TYW1B: variants seen among roughly 807,000 people sequenced by gnomAD.
The protein encoded by TYW1B is tRNA-yW synthesizing protein 1 homolog B.
A neutral mutation model predicts 86.9 loss-of-function variants in TYW1B; 73 were observed. The ratio of observed to expected loss-of-function variants is 0.84; its 90% confidence interval spans 0.70 to 1.02. TYW1B has a LOEUF of 1.02. Ranked by LOEUF, TYW1B falls within the 50% of genes least tolerant of loss-of-function variation. The probability of loss-of-function intolerance (pLI) is 0.00; values close to 1 mark genes in which losing one functional copy is unlikely to be tolerated. For missense variants in TYW1B, 637 were observed against 827.4 expected (o/e 0.77, Z 2.82); for synonymous variants, 248 against 292.8 (o/e 0.85, Z 1.56).
At chr7:72,584,237 G>A (rs1284447486) in intron 13 of TYW1B, among the ~76,000 whole-genome samples, 2 of 152,156 alleles carry the variant, frequency 1.3e-5, no homozygotes. Context: ...TAGAGAGACA[G>A]TCTTGCTATG....
chr7:72,614,506 G>A (rs1486327338), intron 13 of TYW1B, among the ~76,000 whole-genome samples: 4 of 152,050 alleles, frequency 2.6e-5, no homozygotes, highest in Admixed American at 2.0e-4. Context: ...GGTGGCTCAC[G>A]CCTGTAGTCC....
intron 11 of TYW1B, among the ~76,000 whole-genome samples, chr7:72,653,610 A>AAATAATAAT (rs61287709): frequency 0.97 from 146,198 of 150,616 alleles, 71,061 homozygotes; most frequent in Non-Finnish European, 1. Context: ...CCGTCTCAAA[A>AAATAATAAT]AATAATAATA....
At chr7:72,703,026 A>ATATATATATATT (rs1563064838) in intron 10 of TYW1B, among the ~76,000 whole-genome samples, 1 of 35,206 alleles carries the variant, frequency 2.8e-5, no homozygotes, top group South Asian at 1.1e-3. Context: ...ATATATATAT[A>ATATATATATATT]TTTTTTTTTT....
chr7:72,738,083 T>C (rs1787230782), intron 8 of TYW1B, among the ~76,000 whole-genome samples: 1 of 74,164 alleles, frequency 1.3e-5, no homozygotes, highest in Non-Finnish European at 2.9e-5. Flanking sequence ...CATATTTCTT[T>C]CTTTCTTTTT....
intron 6 of TYW1B, among the ~76,000 whole-genome samples, chr7:72,790,041 G>C (rs1269260879): frequency 1.4e-5 from 2 of 147,816 alleles, no homozygotes; most frequent in African/African-American, 5.0e-5. Flanking sequence ...TCCACCTTCT[G>C]GGTTCAAGGG....
chr7:72,598,844 G>A (rs1235648093), intron 13 of TYW1B, among the ~76,000 whole-genome samples: 8 of 152,174 alleles, frequency 5.3e-5, no homozygotes, highest in Admixed American at 5.2e-4. Context: ...CAGAGAGGAA[G>A]GAGGAAGGGA....
intron 11 of TYW1B, among the ~76,000 whole-genome samples, chr7:72,632,312 T>TATATATATATACGTGTATA (rs1491239231): frequency 2.3e-5 from 2 of 87,030 alleles, no homozygotes; most frequent in African/African-American, 6.3e-5. Context: ...TGTATATATA[T>TATATATATATACGTGTATA]TATATATATT....
chr7:72,807,043 A>G, intron 5 of TYW1B, 23 bp downstream of exon 5: 2 of 1,604,966 alleles, frequency 1.2e-6, no homozygotes, highest in African/African-American at 1.3e-5. Flanking sequence ...AAGCATCAAG[A>G]GATGAACACA....
At chr7:72,736,515 T>C (rs1434780572) in intron 8 of TYW1B, among the ~76,000 whole-genome samples, 1 of 152,200 alleles carries the variant, frequency 6.6e-6, no homozygotes, top group Admixed American at 6.6e-5. Flanking sequence ...GGAAAATCTC[T>C]TTGAAGAGGA....
intron 12 of TYW1B, among the ~76,000 whole-genome samples, chr7:72,625,024 G>A (rs547081481): frequency 1.2e-4 from 18 of 150,312 alleles, no homozygotes; most frequent in East Asian, 3.9e-4. Flanking sequence ...GTGCCAGTGC[G>A]CTCCAGCCTG....
At chr7:72,651,362 A>C (rs570375988) in intron 11 of TYW1B, among the ~76,000 whole-genome samples, 2 of 152,360 alleles carry the variant, frequency 1.3e-5, no homozygotes, top group East Asian at 3.9e-4. Flanking sequence ...TCACGCCTGT[A>C]ATCCCAGCAC....
At chr7:72,608,295 T>C (rs1278323797) in intron 13 of TYW1B, among the ~76,000 whole-genome samples, 17 of 152,352 alleles carry the variant, frequency 1.1e-4, no homozygotes, top group African/African-American at 3.8e-4. Flanking sequence ...TCTTCTTCTC[T>C]TGAGTTTTCT....
At chr7:72,763,900 T>C (rs1258871228) in intron 7 of TYW1B, among the ~76,000 whole-genome samples, 1 of 152,250 alleles carries the variant, frequency 6.6e-6, no homozygotes, top group Non-Finnish European at 1.5e-5. Context: ...TGGTAAGTGA[T>C]ATTAGATCTT....
chr7:72,771,688 A>G (rs1339067555), intron 7 of TYW1B, among the ~76,000 whole-genome samples: 1 of 147,868 alleles, frequency 6.8e-6, no homozygotes, highest in African/African-American at 2.5e-5. Context: ...GTCATATCAA[A>G]AAGTGACATT....
chr7:72,632,424 A>AATATATATATACATATATATATAT lies in TYW1B; in HGVS notation c.1507-3428_1507-3427insATATATATATATGTATATATATAT, dbSNP rs1563038868. On this transcript the variant is annotated intron_variant, in intron 11 of 13. Transcript: ENST00000620995. ...TAATATATATATACATATATATATA[A>AATATATATATACATATATATATAT]AATATATATATACGTATATATATAA... Among the ~76,000 whole-genome samples, 26 of 77,838 alleles carry AATATATATATACATATATATATAT rather than the reference A, an allele frequency of 3.3e-4. No homozygotes were observed. In the East Asian group the frequency reaches 0.012, roughly 36 times the overall value. 51.1% of individuals were successfully genotyped at this position (77,838 alleles called of 152,430 possible). A position where few individuals can be genotyped will look rare whatever the true frequency, so the allele number is the denominator to read the frequency against.
chr7:72,587,651 G>C (rs1159180795), intron 13 of TYW1B, among the ~76,000 whole-genome samples: 1 of 152,128 alleles, frequency 6.6e-6, no homozygotes, highest in African/African-American at 2.4e-5. Context: ...GGGCAGTTTA[G>C]GGAGGGTCAG....
chr7:72,578,191 G>A (rs1178557185), intron 13 of TYW1B, among the ~76,000 whole-genome samples: 1 of 148,060 alleles, frequency 6.8e-6, no homozygotes, highest in Non-Finnish European at 1.5e-5. Flanking sequence ...TCGGCTCACT[G>A]CAAGCTCTGC....
At chr7:72,738,835 C>T (rs1787247733) in intron 8 of TYW1B, among the ~76,000 whole-genome samples, 1 of 151,944 alleles carries the variant, frequency 6.6e-6, no homozygotes, top group Non-Finnish European at 1.5e-5. Context: ...CTTTGGGAGG[C>T]TAAGAGGGGA....
At chr7:72,709,633 A>C (rs1585919952) in intron 10 of TYW1B, among the ~76,000 whole-genome samples, 1 of 151,960 alleles carries the variant, frequency 6.6e-6, no homozygotes, top group East Asian at 1.9e-4. Context: ...GCGCCATTGC[A>C]CTCTAGCCTG....
Sources: gnomAD v4.1 joint callset for allele counts (sites outside exome capture counted in the v4.1 genomes callset) on GRCh38, gnomAD v4.1.1 for gene constraint, MANE v1.5 for transcripts, NCBI Gene and HGNC (gene_info 2026-07-23, HGNC 2026-07-21) for gene names.